ZSCAN30: variants seen among roughly 807,000 people sequenced by gnomAD.
ZSCAN30 encodes zinc finger and SCAN domain-containing protein 30.
Under a neutral mutation model 44.3 loss-of-function variants are expected in ZSCAN30, and 37 were observed. The ratio of observed to expected loss-of-function variants is 0.84; its 90% CI spans 0.64 to 1.10. The LOEUF (loss-of-function observed/expected upper bound fraction) is 1.10, where lower values mean the gene tolerates loss of function less well. Among genes scored for constraint, ZSCAN30 ranks in the 50% least tolerant of loss-of-function variants. ZSCAN30 has a pLI of 0.00. For synonymous variants in ZSCAN30, 181 were observed against 204.6 expected (o/e 0.88, Z 0.98); for missense variants, 549 against 582.6 (o/e 0.94, Z 0.59).
At chr18:35,265,484 C>T (rs1291815834) in intron 1 of ZSCAN30, among the ~76,000 whole-genome samples, 5 of 152,332 alleles carry the variant, frequency 3.3e-5, no homozygotes, top group Non-Finnish European at 7.4e-5. Context: ...ACCCAGGCTG[C>T]AACTCTACAG....
chr18:35,259,445 G>A (rs75935719), intron 3 of ZSCAN30, among the ~76,000 whole-genome samples: 5,388 of 152,228 alleles, frequency 0.035, 309 homozygotes, highest in African/African-American at 0.12. Flanking sequence ...CTCTTAAAGC[G>A]CTGGCATTAC....
rs185554090 is a variant in ZSCAN30 at position 35,285,437 on chromosome 18, A to T, written c.-104+4647T>A. On this transcript the variant is annotated intron_variant, in intron 1 of 3. Transcript: ENST00000333206. The stretch of plus-strand genomic sequence containing the variant: ...ATAGTCAACCCAACAGCAGCAGAAT[A>T]TATTAATATATCCTTCTCAAATGTG... Among the ~76,000 whole-genome samples the T allele has an allele frequency of 2.1e-4, 32 of 152,340 alleles. No individual in the cohort carries two copies. The South Asian group carries it at 4.1e-3, about 20-fold the overall frequency.
chr18:35,281,748 T>C (rs534128058), intron 1 of ZSCAN30: 14 of 152,334 alleles, frequency 9.2e-5, no homozygotes, highest in African/African-American at 3.4e-4. Context: ...GTAATTGGCA[T>C]GTCTCTTACA....
intron 1 of ZSCAN30, chr18:35,283,619 G>A: frequency 6.6e-6 from 1 of 152,604 alleles, no homozygotes; most frequent in Non-Finnish European, 1.5e-5. Context: ...AGGGTGGGCA[G>A]CTCCAGGTGC....
chr18:35,252,197 T>C lies in ZSCAN30; in HGVS notation c.*1253A>G, dbSNP rs976879707. On this transcript the variant is annotated 3_prime_UTR_variant, in exon 4 of 4. Transcript: ENST00000333206. ...TGGGGAGCCTATTCTAGACCCAGAA[T>C]GACCTGTGAGACTCTGAAGTACTCA... 6.6e-6 allele frequency: 1 copy of C among 152,184 alleles called. No individual in the cohort carries two copies. The highest frequency in any genetic ancestry group is 6.5e-5 in the Admixed American group (1 of 15,274). 9.4% of individuals were successfully genotyped at this position (152,184 alleles called of 1,614,324 possible). A position where few individuals can be genotyped will look rare whatever the true frequency, so the allele number is the denominator to read the frequency against.
chr18:35,272,516 T>G (rs2044301542), intron 1 of ZSCAN30, among the ~76,000 whole-genome samples: 1 of 151,658 alleles, frequency 6.6e-6, no homozygotes, highest in African/African-American at 2.4e-5. Flanking sequence ...AATTTTTGTA[T>G]TTTTAGTAGA....
At chr18:35,263,085 T>C (rs1271345475) in intron 3 of ZSCAN30, 1 of 285,218 alleles carries the variant, frequency 3.5e-6, no homozygotes, top group Non-Finnish European at 7.0e-6. Flanking sequence ...TTGAATATTA[T>C]GGATATTTAG....
chr18:35,271,197 G>A lies in ZSCAN30; in HGVS notation c.-103-6742C>T, dbSNP rs528972824. Among the ~76,000 whole-genome samples, 53 of 152,248 alleles carry A rather than the reference G, an allele frequency of 3.5e-4. No individual in the cohort carries two copies. The East Asian group carries it at 5.0e-3, about 14-fold the overall frequency. On this transcript the variant is annotated intron_variant, in intron 1 of 3. Coordinates refer to ENST00000333206, the MANE Select transcript of ZSCAN30 (RefSeq NM_001112734.4). ...GTTCCTGCTGCTTGCTGGGGCAGCC[G>A]GCTTTTATTCCCTTATCTGGCCCCA...
intron 3 of ZSCAN30, among the ~76,000 whole-genome samples, chr18:35,255,583 T>C (rs2043778902): frequency 6.6e-6 from 1 of 152,120 alleles, no homozygotes; most frequent in South Asian, 2.1e-4. Flanking sequence ...AAACAAAATA[T>C]AACTTAAAAA....
intron 1 of ZSCAN30, among the ~76,000 whole-genome samples, chr18:35,285,903 T>C (rs977024783): frequency 6.6e-6 from 1 of 151,834 alleles, no homozygotes; most frequent in Non-Finnish European, 1.5e-5. Context: ...AATTTTTAAA[T>C]AAATGAAAAG....
Position 35,252,310 on chromosome 18 carries a change from C to G in ZSCAN30, c.*1140G>C, listed in dbSNP as rs545185794. 8 of 152,312 alleles carry G rather than the reference C, an allele frequency of 5.3e-5. No homozygotes were observed. The highest frequency in any genetic ancestry group is 4.6e-4 in the Admixed American group (7 of 15,296). 9.4% of individuals were successfully genotyped at this position (152,312 alleles called of 1,614,324 possible). A position where few individuals can be genotyped will look rare whatever the true frequency, so the allele number is the denominator to read the frequency against. ...GAATGCATATCAGAGGCTAGAGAGA[C>G]AGTGGGGACTGGAGTGTTTGTGTCC... On this transcript the variant is annotated 3_prime_UTR_variant, in exon 4 of 4. Transcript: ENST00000333206.
chr18:35,253,583 T>C lies in ZSCAN30; in HGVS notation c.1352A>G (p.Asn451Ser), dbSNP rs776815867. ...YECNECGKSF[N>S]QSSALTQHQR... Reference sequence around the variant, plus strand: ...GTGCTGGGTGAGGGCTGAGCTCTGATTGAAGGATTTTCCACATTCATTACA... The same window carrying C: ...GTGCTGGGTGAGGGCTGAGCTCTGACTGAAGGATTTTCCACATTCATTACA... Residue 451 changes from asparagine to serine, a missense_variant, in exon 4 of 4, where the codon AAT becomes AGT. Physicochemically the swap from Asn to Ser is conservative, Grantham distance 46 (BLOSUM62 1). Coordinates refer to ENST00000333206, the MANE Select transcript of ZSCAN30 (RefSeq NM_001112734.4). 6.1e-5 allele frequency: 99 copies of C among 1,613,602 alleles called. No individual in the cohort carries two copies. The highest frequency in any genetic ancestry group is 7.7e-5 in the Non-Finnish European group (91 of 1,179,890).
At chr18:35,265,727 A>T (rs151132709) in intron 1 of ZSCAN30, among the ~76,000 whole-genome samples, 45 of 152,366 alleles carry the variant, frequency 3.0e-4, no homozygotes, top group African/African-American at 1.1e-3. Context: ...ACTCTGTGCT[A>T]GATAGCGTAC....
Position 35,253,762 on chromosome 18 carries a change from C to T in ZSCAN30, c.1173G>A (p.Gly391=), listed in dbSNP as rs376553539. 6.2e-7 allele frequency: 1 copy of T among 1,613,058 alleles called. No individual in the cohort carries two copies. The highest frequency in any genetic ancestry group is 1.7e-5 in the Admixed American group (1 of 59,920). The part of the protein sequence containing the change: ...GEKPYECGEC[G]KAFSRSSALI... ...GGGCTGAGCTCCGGCTGAAGGCCTT[C>T]CCACATTCTCCACATTCATAAGGCT... The change falls in exon 4 of 4, where the codon GGG becomes GGA. Residue 391 remains glycine, a synonymous_variant. Coordinates refer to ENST00000333206, the MANE Select transcript of ZSCAN30 (RefSeq NM_001112734.4).
intron 1 of ZSCAN30, among the ~76,000 whole-genome samples, chr18:35,287,848 T>C (rs2044580429): frequency 6.6e-6 from 1 of 151,870 alleles, no homozygotes; most frequent in Non-Finnish European, 1.5e-5. Context: ...CACAATATAT[T>C]TGCAAAGCAT....
intron 1 of ZSCAN30, chr18:35,289,263 G>A (rs1425440290): frequency 6.6e-6 from 1 of 152,136 alleles, no homozygotes; most frequent in African/African-American, 2.4e-5. Flanking sequence ...GGCCTAAGCT[G>A]CGCCTGGCCA....
chr18:35,280,007 G>A (rs566104711), intron 1 of ZSCAN30, among the ~76,000 whole-genome samples: 221 of 152,246 alleles, frequency 1.5e-3, no homozygotes, highest in Admixed American at 2.4e-3. Context: ...CAGAAGCAGT[G>A]GCTCATGCCT....
At chr18:35,267,674 G>C (rs1371375149) in intron 1 of ZSCAN30, 2 of 152,106 alleles carry the variant, frequency 1.3e-5, no homozygotes, top group Admixed American at 1.3e-4. Context: ...ACAAGCGGTT[G>C]ACGCGCTGCT....
At chr18:35,283,730 G>A (rs1226903920) in intron 1 of ZSCAN30, 1 of 152,440 alleles carries the variant, frequency 6.6e-6, no homozygotes, top group Non-Finnish European at 1.5e-5. Context: ...GCCCCAACGG[G>A]AGTCACAATC....
Sources: gnomAD v4.1 joint callset for allele counts (sites outside exome capture counted in the v4.1 genomes callset) on GRCh38, gnomAD v4.1.1 for gene constraint, MANE v1.5 for transcripts, NCBI Gene and HGNC (gene_info 2026-07-23, HGNC 2026-07-21) for gene names.